Variants in SMG6 observed in about 807,000 individuals in gnomAD.
SMG6 encodes the protein telomerase-binding protein EST1A.
A neutral mutation model predicts 142.2 loss-of-function variants in SMG6; 66 were observed. The ratio of observed to expected loss-of-function variants is 0.46; its 90% confidence interval spans 0.38 to 0.57. The LOEUF is 0.57. Ranked by LOEUF, SMG6 falls within the 20% of genes least tolerant of loss-of-function variation. The pLI is 0.00. For synonymous variants in SMG6, 779 were observed against 702.4 expected, an observed-to-expected ratio of 1.11 and a Z score of -1.72; for missense variants, 1,793 against 1,832.0, an observed-to-expected ratio of 0.98 and a Z score of 0.39.
chr17:2,250,388 T>C (rs2074019870), intron 8 of SMG6, among the ~76,000 whole-genome samples: 1 of 146,188 alleles, frequency 6.8e-6, no homozygotes, highest in Non-Finnish European at 1.5e-5. Context: ...TATTTTTATA[T>C]ACACTTTTTT....
chr17:2,137,989 G>A (rs2070359351), intron 13 of SMG6, among the ~76,000 whole-genome samples: 1 of 152,158 alleles, frequency 6.6e-6, no homozygotes, highest in Admixed American at 6.6e-5. Context: ...CGGTTGGAGA[G>A]TAGTATCACG....
At chr17:2,166,848 G>A (rs1347365603) in intron 13 of SMG6, among the ~76,000 whole-genome samples, 1 of 152,150 alleles carries the variant, frequency 6.6e-6, no homozygotes, top group African/African-American at 2.4e-5. Context: ...ACTGAGGCCA[G>A]GCACAGTGGC....
Position 2,300,315 on chromosome 17 carries a change from A to G in SMG6, c.438T>C (p.Tyr146=), listed in dbSNP as rs763508772. 1.9e-6 allele frequency: 3 copies of G among 1,614,016 alleles called. No homozygotes were observed. The South Asian group carries it at 3.3e-5, about 18-fold the overall frequency. Residue 146 remains tyrosine, a synonymous_variant, in exon 2 of 19, where the codon TAT becomes TAC. Transcript: ENST00000263073. ...CAGTCTGCAAACGTCGTCCAGGCTG[A>G]TAGATCTGCAGGTCGGGTTTCTTTG... ...KRTKKPDLQI[Y]QPGRRLQTVS... is the part of the protein sequence containing the mutation.
chr17:2,148,159 C>T (rs1597470479), intron 13 of SMG6, among the ~76,000 whole-genome samples: 1 of 151,898 alleles, frequency 6.6e-6, no homozygotes, highest in East Asian at 1.9e-4. Context: ...CCACTGCACT[C>T]CAGCCTGGGC....
intron 6 of SMG6, among the ~76,000 whole-genome samples, chr17:2,291,184 A>AAAAATTG (rs1411189315): frequency 2.0e-5 from 3 of 152,118 alleles, no homozygotes; most frequent in African/African-American, 4.8e-5. Context: ...ATAAAAAACT[A>AAAAATTG]GCCGGGCGTG....
intron 13 of SMG6, among the ~76,000 whole-genome samples, chr17:2,152,241 C>T (rs758918567): frequency 2.0e-5 from 3 of 152,158 alleles, no homozygotes; most frequent in Non-Finnish European, 4.4e-5. Flanking sequence ...TCAGTTTGGC[C>T]CACCCCTTAT....
chr17:2,087,305 C>G (rs2068590789), intron 13 of SMG6: 1 of 1,241,292 alleles, frequency 8.1e-7, no homozygotes, highest in Admixed American at 2.7e-5. Flanking sequence ...TTCTCTAAGA[C>G]AGTGGAAATA....
chr17:2,207,115 TCCAAAA>T (rs1417718584), intron 10 of SMG6, among the ~76,000 whole-genome samples: 12 of 56,642 alleles, frequency 2.1e-4, no homozygotes, highest in African/African-American at 5.9e-4. Context: ...CTACTAAAAA[TCCAAAA>T]AAAAAAAAAA....
At chr17:2,140,910 C>T (rs1185324204) in intron 13 of SMG6, among the ~76,000 whole-genome samples, 2 of 152,152 alleles carry the variant, frequency 1.3e-5, no homozygotes, top group African/African-American at 4.8e-5. Flanking sequence ...GTTAAATGAG[C>T]CTGCTGGGCT....
intron 13 of SMG6, among the ~76,000 whole-genome samples, chr17:2,160,501 G>A (rs781208873): frequency 1.3e-4 from 20 of 152,288 alleles, no homozygotes; most frequent in Non-Finnish European, 2.6e-4. Flanking sequence ...TTACAGGCAT[G>A]AGCCACCGCG....
intron 10 of SMG6, among the ~76,000 whole-genome samples, chr17:2,213,433 G>A (rs779165037): frequency 2.6e-5 from 4 of 152,150 alleles, no homozygotes; most frequent in South Asian, 2.1e-4. Context: ...CCCTGATGCC[G>A]CAGCCAGCTT....
chr17:2,094,493 C>T (rs1269501748), intron 13 of SMG6, among the ~76,000 whole-genome samples: 1 of 152,158 alleles, frequency 6.6e-6, no homozygotes, highest in Admixed American at 6.5e-5. Context: ...CCTGTCTCGG[C>T]CTCCCAAAGT....
chr17:2,159,011 A>G (rs1436998837), intron 13 of SMG6, among the ~76,000 whole-genome samples: 2 of 152,194 alleles, frequency 1.3e-5, no homozygotes, highest in African/African-American at 4.8e-5. Flanking sequence ...ATAACTCAAT[A>G]AGAAAACACC....
chr17:2,266,102 G>A (rs1597742013), intron 8 of SMG6: 1 of 985,174 alleles, frequency 1.0e-6, no homozygotes, highest in Non-Finnish European at 1.2e-6. Context: ...TGTTCACCAT[G>A]CGTGCCACTC....
chr17:2,147,171 T>C (rs989438463), intron 13 of SMG6, among the ~76,000 whole-genome samples: 12 of 152,114 alleles, frequency 7.9e-5, no homozygotes, highest in Non-Finnish European at 1.8e-4. Flanking sequence ...GGTGGGTGGA[T>C]CATTTGAGGT....
chr17:2,196,487 C>T (rs2072331592), intron 10 of SMG6, among the ~76,000 whole-genome samples: 1 of 152,138 alleles, frequency 6.6e-6, no homozygotes, highest in Non-Finnish European at 1.5e-5. Flanking sequence ...TGTTCATGAA[C>T]TGAGCAACTC....
chr17:2,166,293 T>C (rs1391148310), intron 13 of SMG6, among the ~76,000 whole-genome samples: 4 of 151,946 alleles, frequency 2.6e-5, no homozygotes, highest in South Asian at 4.1e-4. Context: ...TTCAAAGAAA[T>C]GTAAGTGACC....
intron 13 of SMG6, among the ~76,000 whole-genome samples, chr17:2,120,098 G>A (rs892779947): frequency 6.6e-6 from 1 of 152,302 alleles, no homozygotes; most frequent in Non-Finnish European, 1.5e-5. Flanking sequence ...GTGAGCCACC[G>A]CGCCCGGCCT....
intron 13 of SMG6, chr17:2,087,293 T>C (rs2068590531): frequency 3.2e-6 from 4 of 1,264,578 alleles, no homozygotes; most frequent in South Asian, 2.6e-5. Context: ...GCATGACCCA[T>C]GTTCTCTAAG....
Sources: allele counts gnomAD v4.1 joint callset (sites outside exome capture counted in the v4.1 genomes callset), GRCh38; gene constraint gnomAD v4.1.1; transcripts MANE v1.5; gene names NCBI Gene and HGNC (gene_info 2026-07-23, HGNC 2026-07-21).